Variants in UNC79 observed in about 807,000 individuals in gnomAD.
UNC79 encodes the protein protein unc-79 homolog.
UNC79 carries 37 observed loss-of-function variants against 283.1 expected under a neutral mutation model. That is an observed-to-expected ratio of 0.13 (90% CI 0.10 to 0.17). UNC79 has a LOEUF of 0.17. Ranked by LOEUF, UNC79 falls within the 10% of genes least tolerant of loss-of-function variation. The pLI is 1.00. For synonymous variants in UNC79, 1,107 were observed against 1,200.2 expected (o/e 0.92, Z 1.61); for missense variants, 2,272 against 3,211.1 (o/e 0.71, Z 7.07).
At chr14:93,443,486 CAA>C (rs927965032) in intron 1 of UNC79, among the ~76,000 whole-genome samples, 6 of 148,452 alleles carry the variant, frequency 4.0e-5, no homozygotes, top group African/African-American at 1.2e-4. Flanking sequence ...TGCAATGGCA[CAA>C]TCTCAGCTCG....
intron 1 of UNC79, among the ~76,000 whole-genome samples, chr14:93,351,005 C>A (rs1342676820): frequency 6.6e-6 from 1 of 152,182 alleles, no homozygotes; most frequent in African/African-American, 2.4e-5. Flanking sequence ...GTCATGTATT[C>A]TCCTGCTATA....
rs936326912 is a variant in UNC79, at chr14:93,657,280, G to A, written c.6456+1873G>A. 4.6e-5 allele frequency among the ~76,000 whole-genome samples: 7 copies of A among 152,218 alleles called. No homozygotes were observed. The East Asian group carries it at 5.8e-4, about 13-fold the overall frequency. ...AAGCACATGGAACCTCCTAGGACCC[G>A]AGAACCAATCAGGGCTTCACTGCTA... is the stretch of plus-strand genomic sequence containing the variant. On this transcript the variant is annotated intron_variant, in intron 38 of 48. Transcript: ENST00000555664.
intron 47 of UNC79, among the ~76,000 whole-genome samples, chr14:93,695,477 C>T (rs1214619903): frequency 6.6e-6 from 1 of 152,170 alleles, no homozygotes; most frequent in East Asian, 1.9e-4. Context: ...TGTTGGAGTG[C>T]AGTGGTGCAA....
intron 17 of UNC79, 65 bp downstream of exon 17, chr14:93,575,263 C>T: frequency 6.2e-7 from 1 of 1,604,080 alleles, no homozygotes; most frequent in Non-Finnish European, 8.5e-7. Context: ...GTCAGTTATC[C>T]TACGCCTGAA....
At chr14:93,464,135 C>T (rs532087011) in intron 1 of UNC79, among the ~76,000 whole-genome samples, 26 of 152,216 alleles carry the variant, frequency 1.7e-4, no homozygotes, top group Non-Finnish European at 2.6e-4. Flanking sequence ...GGTGACAGAG[C>T]GAGACTCCAT....
Position 93,637,210 on chromosome 14 carries a change from C to T in UNC79, c.5717-6C>T. On this transcript the variant is annotated splice_region_variant and splice_polypyrimidine_tract_variant and intron_variant, in intron 31 of 48. Transcript: ENST00000555664. ...TCAAAGACTGAAACCCTCTATTTAT[C>T]CACAGAACAGATACAGCCTGGGAAA... 1.8e-6 allele frequency: 2 copies of T among 1,112,312 alleles called. No homozygotes were observed. Among genetic ancestry groups the T allele is most frequent in the South Asian group, 2.5e-5 (2 of 81,026 alleles). 68.9% of individuals were successfully genotyped at this position (1,112,312 alleles called of 1,614,324 possible). A position where few individuals can be genotyped will look rare whatever the true frequency, so the allele number is the denominator to read the frequency against.
intron 14 of UNC79, among the ~76,000 whole-genome samples, chr14:93,544,871 CCAGAG>C (rs763170657): frequency 6.6e-6 from 1 of 152,160 alleles, no homozygotes; most frequent in Admixed American, 6.5e-5. Flanking sequence ...TGGTTATTTT[CCAGAG>C]CAGAGCAGAG....
At chr14:93,658,723 T>C (rs990171492) in intron 38 of UNC79, among the ~76,000 whole-genome samples, 6 of 152,202 alleles carry the variant, frequency 3.9e-5, no homozygotes, top group Admixed American at 6.5e-5. Flanking sequence ...TGTGGATTCA[T>C]GGTTTTTTTA....
intron 1 of UNC79, among the ~76,000 whole-genome samples, chr14:93,413,169 G>A (rs1278179686): frequency 6.8e-6 from 1 of 148,028 alleles, no homozygotes; most frequent in Non-Finnish European, 1.5e-5. Context: ...ATCTCCTAAA[G>A]CTATCCCTCC....
chr14:93,446,490 G>T (rs554431149), intron 1 of UNC79, among the ~76,000 whole-genome samples: 2 of 151,294 alleles, frequency 1.3e-5, no homozygotes, highest in South Asian at 4.2e-4. Context: ...CCACCTCCCA[G>T]GTTTAAGCGA....
chr14:93,591,268 G>A (rs1275314099), intron 22 of UNC79, among the ~76,000 whole-genome samples: 1 of 152,024 alleles, frequency 6.6e-6, no homozygotes, highest in Non-Finnish European at 1.5e-5. Context: ...TCTCTTACCG[G>A]TGCAGCATGA....
At chr14:93,653,023 T>A (rs2070463180) in intron 35 of UNC79, among the ~76,000 whole-genome samples, 1 of 152,190 alleles carries the variant, frequency 6.6e-6, no homozygotes, top group Admixed American at 6.5e-5. Context: ...AATGAGGTAA[T>A]AATTGGCATA....
chr14:93,517,017 C>A (rs2060094846), intron 7 of UNC79, among the ~76,000 whole-genome samples: 1 of 152,044 alleles, frequency 6.6e-6, no homozygotes, highest in Non-Finnish European at 1.5e-5. Flanking sequence ...TATTGGTACT[C>A]TACAAATACC....
At chr14:93,640,046 A>G (rs2068879183) in intron 32 of UNC79, among the ~76,000 whole-genome samples, 1 of 152,220 alleles carries the variant, frequency 6.6e-6, no homozygotes, top group Admixed American at 6.5e-5. Context: ...ATTACTTTGT[A>G]GAACATGGCA....
chr14:93,414,927 C>T lies in UNC79; in HGVS notation c.-350-52744C>T, dbSNP rs547093290. 3.3e-5 allele frequency among the ~76,000 whole-genome samples: 5 copies of T among 152,112 alleles called. No individual in the cohort carries two copies. The South Asian group carries it at 6.2e-4, about 19-fold the overall frequency. ...AGCTTAAGGAGATTTTGGGCTGAGA[C>T]GTTGGGGTTTTCTAGATACACAGTC... On this transcript the variant is annotated intron_variant, in intron 1 of 49. Transcript: ENST00000256339.
chr14:93,542,707 G>A lies in UNC79; in HGVS notation c.1755+11G>A, dbSNP rs760333396. ...ATGGAATTTGCCAGGGTAAGTGGAG[G>A]CCTACAGCTCACACCTTGTTAGAGA... is the stretch of plus-strand genomic sequence containing the variant. On this transcript the variant is annotated intron_variant, in intron 14 of 48. Transcript: ENST00000555664. 4 of 1,614,042 alleles carry A rather than the reference G, an allele frequency of 2.5e-6. No individual in the cohort carries two copies. Among genetic ancestry groups the A allele is most frequent in the Non-Finnish European group, 3.4e-6 (4 of 1,179,894 alleles).
At chr14:93,578,115 C>A in intron 18 of UNC79, 52 bp downstream of exon 18, 2 of 1,507,980 alleles carry the variant, frequency 1.3e-6, no homozygotes, top group Non-Finnish European at 1.8e-6. Context: ...TGAGAGAAAG[C>A]GTTGTACAGC....
intron 33 of UNC79, 73 bp from the exon 37 acceptor site, chr14:93,643,484 T>C (rs1423315990): frequency 6.2e-7 from 1 of 1,607,996 alleles, no homozygotes; most frequent in African/African-American, 1.3e-5. Flanking sequence ...AAAACAGCCG[T>C]GTGTGTAGTA....
chr14:93,552,064 C>T (rs998808934), intron 14 of UNC79, among the ~76,000 whole-genome samples: 2 of 152,150 alleles, frequency 1.3e-5, no homozygotes, highest in Non-Finnish European at 2.9e-5. Context: ...ACCATCTGTA[C>T]GCCTGTTGAA....
Sources: gnomAD v4.1 joint callset for allele counts (sites outside exome capture counted in the v4.1 genomes callset) on GRCh38, gnomAD v4.1.1 for gene constraint, MANE v1.5 for transcripts, NCBI Gene and HGNC (gene_info 2026-07-23, HGNC 2026-07-21) for gene names.